Variants in GNAI1 observed in about 807,000 individuals in gnomAD.
The protein encoded by GNAI1 is G protein subunit alpha i1.
In GNAI1, 11 loss-of-function variants were observed where a neutral mutation model predicts 38.9. The ratio of observed to expected loss-of-function variants is 0.28; its 90% CI spans 0.18 to 0.47. GNAI1 has a LOEUF of 0.47. Among genes scored for constraint, GNAI1 ranks in the 20% least tolerant of loss-of-function variants. GNAI1 has a pLI of 0.99. For synonymous variants in GNAI1, 166 were observed against 145.1 expected (o/e 1.14, Z -1.04); for missense variants, 317 against 436.9 (o/e 0.73, Z 2.45).
chr7:80,204,798 T>C (rs764654110), intron 5 of GNAI1, among the ~76,000 whole-genome samples: 1 of 152,180 alleles, frequency 6.6e-6, no homozygotes, highest in Non-Finnish European at 1.5e-5. Context: ...AAAGAAATTA[T>C]GTAGCCTATG....
chr7:80,154,877 G>A (rs1036591470), intron 1 of GNAI1, among the ~76,000 whole-genome samples: 1 of 152,100 alleles, frequency 6.6e-6, no homozygotes, highest in African/African-American at 2.4e-5. Context: ...CTATAATTGT[G>A]AAAGACTTGG....
chr7:80,173,295 A>G (rs1353288483), intron 1 of GNAI1, among the ~76,000 whole-genome samples: 1 of 152,192 alleles, frequency 6.6e-6, no homozygotes, highest in Non-Finnish European at 1.5e-5. Context: ...ATACTTTTAA[A>G]TTATGCTTAG....
chr7:80,163,963 TTTC>T (rs1288346927), intron 1 of GNAI1, among the ~76,000 whole-genome samples: 2 of 146,400 alleles, frequency 1.4e-5, no homozygotes, highest in Non-Finnish European at 3.0e-5. Context: ...AAACTGGTGC[TTTC>T]TTTTTTTTTT....
At chr7:80,189,042 C>T in intron 2 of GNAI1, 48 bp from the exon 3 acceptor site, 1 of 1,600,188 alleles carries the variant, frequency 6.2e-7, no homozygotes, top group Non-Finnish European at 8.6e-7. Flanking sequence ...GTGTACCGTT[C>T]TACCAAAGGA....
At chr7:80,178,180 C>G (rs1041115997) in intron 1 of GNAI1, among the ~76,000 whole-genome samples, 1 of 152,242 alleles carries the variant, frequency 6.6e-6, no homozygotes, top group East Asian at 1.9e-4. Flanking sequence ...CATGATAAAA[C>G]TTTAAGGAAA....
At chr7:80,199,800 A>G (rs1489011921) in intron 4 of GNAI1, among the ~76,000 whole-genome samples, 2 of 152,190 alleles carry the variant, frequency 1.3e-5, no homozygotes, top group African/African-American at 2.4e-5. Context: ...GTCCAATGAC[A>G]GGTACTGTAA....
At chr7:80,202,789 A>G (rs999004819) in intron 4 of GNAI1, among the ~76,000 whole-genome samples, 1 of 152,158 alleles carries the variant, frequency 6.6e-6, no homozygotes, top group South Asian at 2.1e-4. Context: ...ACTCATTCCA[A>G]ACTCCTCATT....
chr7:80,154,132 A>T (rs1429412190), intron 1 of GNAI1, among the ~76,000 whole-genome samples: 1 of 152,138 alleles, frequency 6.6e-6, no homozygotes, highest in Non-Finnish European at 1.5e-5. Flanking sequence ...CATGTTGCCC[A>T]GGCTGGCCTC....
At chr7:80,148,645 G>A (rs949815998) in intron 1 of GNAI1, among the ~76,000 whole-genome samples, 2 of 152,124 alleles carry the variant, frequency 1.3e-5, no homozygotes, top group African/African-American at 2.4e-5. Context: ...TCTAGAATGG[G>A]TTCATATCCA....
intron 1 of GNAI1, among the ~76,000 whole-genome samples, chr7:80,152,207 T>C (rs1450380554): frequency 5.7e-4 from 87 of 152,200 alleles, no homozygotes; most frequent in Non-Finnish European, 2.9e-5. Flanking sequence ...CTATACTGCC[T>C]CTCAGTCCTC....
chr7:80,183,556 C>T (rs1480681465), intron 1 of GNAI1, among the ~76,000 whole-genome samples: 1 of 151,952 alleles, frequency 6.6e-6, no homozygotes, highest in African/African-American at 2.4e-5. Context: ...TGATGTTGGA[C>T]ACCCTCCATC....
At chr7:80,167,390 C>T (rs1788029546) in intron 1 of GNAI1, among the ~76,000 whole-genome samples, 1 of 152,108 alleles carries the variant, frequency 6.6e-6, no homozygotes, top group Non-Finnish European at 1.5e-5. Context: ...AAGATGGAGT[C>T]AGAAGTCTGG....
chr7:80,215,864 C>T (rs911269356), intron 7 of GNAI1, among the ~76,000 whole-genome samples: 8 of 152,072 alleles, frequency 5.3e-5, no homozygotes, highest in South Asian at 4.1e-4. Context: ...AGATCTCAGC[C>T]GGTGAAGTAG....
rs975759846 is a variant in GNAI1, at chr7:80,225,565, T to G, written c.*8072T>G. Reference sequence around the variant, plus strand: ...AGCACAGTCATGCATTAAAAAAGCTTCTGAACTTATTTTGGAAAGAGTAGC... The same window carrying G: ...AGCACAGTCATGCATTAAAAAAGCTGCTGAACTTATTTTGGAAAGAGTAGC... On this transcript the variant is annotated 3_prime_UTR_variant, in exon 8 of 8. Transcript: ENST00000649796. Among the ~76,000 whole-genome samples the G allele has an allele frequency of 1.3e-5, 2 of 152,166 alleles. No homozygotes were observed. Among genetic ancestry groups the G allele is most frequent in the African/African-American group, 4.8e-5 (2 of 41,440 alleles).
intron 1 of GNAI1, among the ~76,000 whole-genome samples, chr7:80,180,856 A>G (rs948250684): frequency 1.3e-5 from 2 of 152,150 alleles, no homozygotes; most frequent in Non-Finnish European, 2.9e-5. Flanking sequence ...AGGTTCAAAC[A>G]GTACTGTCAG....
At chr7:80,153,180 C>G (rs1048097802) in intron 1 of GNAI1, among the ~76,000 whole-genome samples, 2 of 152,026 alleles carry the variant, frequency 1.3e-5, no homozygotes, top group African/African-American at 4.8e-5. Context: ...GGTGGAGATT[C>G]CAAGAGGGCA....
chr7:80,153,165 A>T (rs1787757828), intron 1 of GNAI1, among the ~76,000 whole-genome samples: 1 of 152,202 alleles, frequency 6.6e-6, no homozygotes, highest in Non-Finnish European at 1.5e-5. Flanking sequence ...CCCCTGCATG[A>T]TAGTGGTGGA....
At chr7:80,206,331 CT>C (rs991075752) in intron 5 of GNAI1, among the ~76,000 whole-genome samples, 13 of 151,774 alleles carry the variant, frequency 8.6e-5, no homozygotes, top group African/African-American at 1.7e-4. Flanking sequence ...GTTGCATATG[CT>C]TTTTTTTATT....
intron 5 of GNAI1, among the ~76,000 whole-genome samples, chr7:80,208,710 C>T (rs1270922516): frequency 1.3e-5 from 2 of 152,162 alleles, no homozygotes; most frequent in Non-Finnish European, 2.9e-5. Context: ...TAGTTCATTC[C>T]TCAGTTTATC....
Sources: gnomAD v4.1 joint callset for allele counts (sites outside exome capture counted in the v4.1 genomes callset) on GRCh38, gnomAD v4.1.1 for gene constraint, MANE v1.5 for transcripts, NCBI Gene and HGNC (gene_info 2026-07-23, HGNC 2026-07-21) for gene names.